The following RARB variants were observed in gnomAD, a reference collection of about 807,000 sequenced individuals.
RARB encodes retinoic acid receptor beta.
A neutral mutation model predicts 51.9 loss-of-function variants in RARB; 17 were observed. The observed-to-expected ratio is 0.33, with a 90% CI of 0.22 to 0.49. The LOEUF (loss-of-function observed/expected upper bound fraction) is 0.49, where lower values mean the gene tolerates loss of function less well. Ranked by LOEUF, RARB falls within the 20% of genes least tolerant of loss-of-function variation. The probability of loss-of-function intolerance (pLI) is 0.99; values close to 1 mark genes in which losing one functional copy is unlikely to be tolerated. For synonymous variants in RARB, 215 were observed against 195.4 expected, an observed-to-expected ratio of 1.10 and a Z score of -0.84; for missense variants, 369 against 550.8, an observed-to-expected ratio of 0.67 and a Z score of 3.30.
At chr3:25,387,382 T>G (rs985496149) in intron 5 of RARB, among the ~76,000 whole-genome samples, 1 of 152,118 alleles carries the variant, frequency 6.6e-6, no homozygotes, top group Non-Finnish European at 1.5e-5. Context: ...TCACCCTCTT[T>G]CCTACAGCAC....
chr3:25,562,371 T>A (rs1559468763), intron 3 of RARB, among the ~76,000 whole-genome samples: 1 of 152,132 alleles, frequency 6.6e-6, no homozygotes, highest in African/African-American at 2.4e-5. Flanking sequence ...AACATTCAGT[T>A]TTATGCCATA....
chr3:24,856,983 C>G (rs1278568402), intron 1 of RARB, among the ~76,000 whole-genome samples: 1 of 152,126 alleles, frequency 6.6e-6, no homozygotes, highest in East Asian at 1.9e-4. Flanking sequence ...GAGAAAATGC[C>G]TTCTCATTAT....
intron 5 of RARB, among the ~76,000 whole-genome samples, chr3:25,233,986 T>C (rs1702245392): frequency 6.6e-6 from 1 of 152,070 alleles, no homozygotes; most frequent in Non-Finnish European, 1.5e-5. Flanking sequence ...TTGTTGGAGA[T>C]TTTGAAGGCT....
intron 5 of RARB, among the ~76,000 whole-genome samples, chr3:25,367,947 T>G (rs1671696015): frequency 6.6e-6 from 1 of 152,134 alleles, no homozygotes. Flanking sequence ...TTTCATGCAC[T>G]GGGGCGGACA....
At chr3:25,137,320 T>C (rs1575177346) in intron 4 of RARB, among the ~76,000 whole-genome samples, 1 of 152,086 alleles carries the variant, frequency 6.6e-6, no homozygotes, top group South Asian at 2.1e-4. Context: ...TATTTTAAGA[T>C]ATATTTTCAT....
chr3:25,586,094 C>A (rs1460889930), intron 5 of RARB, among the ~76,000 whole-genome samples: 1 of 152,164 alleles, frequency 6.6e-6, no homozygotes, highest in African/African-American at 2.4e-5. Flanking sequence ...TGCTATATCA[C>A]CTCGTGGCAC....
At chr3:25,052,923 G>A (rs991793098) in intron 2 of RARB, among the ~76,000 whole-genome samples, 19 of 152,080 alleles carry the variant, frequency 1.2e-4, no homozygotes, top group African/African-American at 4.6e-4. Flanking sequence ...GAGATGCTGA[G>A]AAAGAAGGCA....
At chr3:25,238,552 G>T (rs1159744444) in intron 5 of RARB, among the ~76,000 whole-genome samples, 1 of 152,104 alleles carries the variant, frequency 6.6e-6, no homozygotes, top group Non-Finnish European at 1.5e-5. Flanking sequence ...TTGTATAGTA[G>T]TTGCATTTTT....
At chr3:25,193,496 A>G (rs183580126) in intron 5 of RARB, among the ~76,000 whole-genome samples, 8 of 152,066 alleles carry the variant, frequency 5.3e-5, no homozygotes, top group African/African-American at 1.4e-4. Flanking sequence ...TGTGCTTTTT[A>G]TTGTTTTATA....
At chr3:25,469,782 A>G (rs1014954376) in intron 2 of RARB, among the ~76,000 whole-genome samples, 2 of 152,318 alleles carry the variant, frequency 1.3e-5, no homozygotes, top group Admixed American at 6.5e-5. Flanking sequence ...CTGTCCAATA[A>G]TAGGGATGTA....
At chr3:25,147,492 T>C (rs565481455) in intron 4 of RARB, among the ~76,000 whole-genome samples, 14 of 152,228 alleles carry the variant, frequency 9.2e-5, no homozygotes, top group Non-Finnish European at 1.9e-4. Flanking sequence ...ACATAGATTT[T>C]CCTGGGTTGT....
At chr3:24,890,485 A>G (rs1703357527) in intron 2 of RARB, among the ~76,000 whole-genome samples, 1 of 152,160 alleles carries the variant, frequency 6.6e-6, no homozygotes, top group Admixed American at 6.5e-5. Flanking sequence ...ATGGTGGTTC[A>G]TACCTGTAAT....
At chr3:25,116,573 T>C (rs1301112349) in intron 3 of RARB, among the ~76,000 whole-genome samples, 6 of 152,056 alleles carry the variant, frequency 3.9e-5, no homozygotes, top group Non-Finnish European at 8.8e-5. Context: ...GAAAATGTAA[T>C]GACAACCTCC....
intron 1 of RARB, among the ~76,000 whole-genome samples, chr3:25,440,437 A>G (rs1708616216): frequency 6.6e-6 from 1 of 151,280 alleles, no homozygotes; most frequent in Admixed American, 6.6e-5. Context: ...ACAGAGGGAG[A>G]TCCTGTCTAA....
intron 4 of RARB, among the ~76,000 whole-genome samples, chr3:25,146,323 TG>T (rs574379197): frequency 1.3e-5 from 2 of 152,250 alleles, no homozygotes; most frequent in East Asian, 3.9e-4. Flanking sequence ...TTTGGGGCTA[TG>T]GGGGGACCAC....
chr3:25,072,492 G>A (rs571165306), intron 3 of RARB, among the ~76,000 whole-genome samples: 1 of 152,240 alleles, frequency 6.6e-6, no homozygotes, highest in South Asian at 2.1e-4. Flanking sequence ...ATTTTTGGGG[G>A]AGCACAAATG....
At chr3:24,877,565 A>G (rs1193133482) in intron 2 of RARB, among the ~76,000 whole-genome samples, 4 of 152,098 alleles carry the variant, frequency 2.6e-5, no homozygotes, top group Non-Finnish European at 5.9e-5. Flanking sequence ...ACAAGACCAC[A>G]GCCAAGATAC....
intron 2 of RARB, among the ~76,000 whole-genome samples, chr3:25,022,240 C>T (rs1697653921): frequency 6.6e-6 from 1 of 152,164 alleles, no homozygotes; most frequent in African/African-American, 2.4e-5. Flanking sequence ...CCTTTGGCCA[C>T]CCTTGTCATT....
At chr3:25,294,541 C>T (rs1703871138) in intron 5 of RARB, among the ~76,000 whole-genome samples, 1 of 152,098 alleles carries the variant, frequency 6.6e-6, no homozygotes, top group Non-Finnish European at 1.5e-5. Flanking sequence ...AGCCACTACC[C>T]CTCTCCCAAC....
Sources: gnomAD v4.1 joint callset for allele counts (sites outside exome capture counted in the v4.1 genomes callset) on GRCh38, gnomAD v4.1.1 for gene constraint, MANE v1.5 for transcripts, NCBI Gene and HGNC (gene_info 2026-07-23, HGNC 2026-07-21) for gene names.